The following CHAT variants were observed in gnomAD, a reference collection of about 807,000 sequenced individuals.
CHAT encodes acetyl CoA:choline O-acetyltransferase.
CHAT carries 61 observed loss-of-function variants against 76.9 expected under a neutral mutation model. The ratio of observed to expected loss-of-function variants is 0.79; its 90% confidence interval spans 0.65 to 0.98. CHAT has a LOEUF of 0.98. Ranked by LOEUF, CHAT falls within the 50% of genes least tolerant of loss-of-function variation. The probability of loss-of-function intolerance (pLI) is 0.00; values close to 1 mark genes in which losing one functional copy is unlikely to be tolerated. For missense variants in CHAT, 946 were observed against 986.9 expected (o/e 0.96, Z 0.56); for synonymous variants, 407 against 397.4 (o/e 1.02, Z -0.29).
chr10:49,621,161 C>T (rs1838693746), intron 4 of CHAT, among the ~76,000 whole-genome samples: 1 of 152,206 alleles, frequency 6.6e-6, no homozygotes. Context: ...AAAGGGTTTC[C>T]CTTCTGGAGT....
intron 5 of CHAT, among the ~76,000 whole-genome samples, chr10:49,623,336 A>G (rs1838797257): frequency 6.6e-6 from 1 of 152,188 alleles, no homozygotes; most frequent in Non-Finnish European, 1.5e-5. Context: ...TCACACAGAC[A>G]CGAATACCCA....
intron 7 of CHAT, among the ~76,000 whole-genome samples, chr10:49,634,387 G>A (rs570059104): frequency 9.8e-5 from 15 of 152,352 alleles, no homozygotes; most frequent in East Asian, 7.7e-4. Flanking sequence ...TGGGGATCAC[G>A]CTGGGGATGC....
rs184154827 is a variant in CHAT, at chr10:49,660,396, C to T, written c.1840-2249C>T. Among the ~76,000 whole-genome samples the T allele has an allele frequency of 1.3e-4, 20 of 151,104 alleles. No individual in the cohort carries two copies. The East Asian group carries it at 2.9e-3, about 22-fold the overall frequency. On this transcript the variant is annotated intron_variant, in intron 13 of 14. Coordinates refer to ENST00000337653, the MANE Select transcript of CHAT (RefSeq NM_020549.5). ...GGCAGAGGTTGCAGTGAGCTGAGAT[C>T]GCGCCACTGCACTCCAGCCTAGACG...
In CHAT at chr10:49,642,170, T is replaced by C. The variant is rs963423857; in HGVS notation, c.1112-4335T>C. ...CCACTTTAAAGGAGCCTCGATGTGC[T>C]CGATGAGGATGCCACAAGACAAATG... On this transcript the variant is annotated intron_variant, in intron 7 of 14. Coordinates refer to ENST00000337653, the MANE Select transcript of CHAT (RefSeq NM_020549.5). Among the ~76,000 whole-genome samples the C allele has an allele frequency of 3.3e-5, 5 of 152,222 alleles. No homozygotes were observed. The East Asian group carries it at 5.8e-4, about 18-fold the overall frequency.
chr10:49,658,306 G>A (rs1175272534), intron 13 of CHAT, among the ~76,000 whole-genome samples: 1 of 152,052 alleles, frequency 6.6e-6, no homozygotes, highest in Non-Finnish European at 1.5e-5. Context: ...ACCTGAGGTT[G>A]GGAGTTCAAG....
intron 8 of CHAT, among the ~76,000 whole-genome samples, chr10:49,648,297 C>T (rs1008673237): frequency 3.9e-5 from 6 of 152,170 alleles, no homozygotes; most frequent in African/African-American, 1.4e-4. Context: ...ACAGCTTTTA[C>T]GGGAAAGAGG....
At chr10:49,615,156 TG>T (rs1247326719) in intron 1 of CHAT, among the ~76,000 whole-genome samples, 9 of 24,170 alleles carry the variant, frequency 3.7e-4, no homozygotes, top group African/African-American at 1.4e-3. Flanking sequence ...GTCTCCCGAA[TG>T]GGGGGGAGGG....
At chr10:49,612,373 C>G, upstream of CHAT, 1 of 1,553,394 alleles carries the variant, frequency 6.4e-7, no homozygotes, top group South Asian at 1.2e-5. Context: ...ACCCAACCGC[C>G]TTGGGTCAAG....
chr10:49,610,585 G>A (rs781020125), upstream of CHAT: 1,339 of 639,796 alleles, frequency 2.1e-3, 1 homozygote, highest in Non-Finnish European at 2.1e-3. Context: ...CCTTTCCCGG[G>A]ACGCTGGGCC....
chr10:49,660,456 A>T (rs891732322), intron 13 of CHAT, among the ~76,000 whole-genome samples: 2 of 145,238 alleles, frequency 1.4e-5, no homozygotes, highest in East Asian at 4.1e-4. Flanking sequence ...AAAAAAAAAA[A>T]GAGCTGAAAT....
chr10:49,630,406 G>A (rs948734345), intron 7 of CHAT, among the ~76,000 whole-genome samples: 3 of 146,994 alleles, frequency 2.0e-5, no homozygotes, highest in African/African-American at 2.5e-5. Context: ...GGACACAGGG[G>A]ACCCGGCTTG....
intron 1 of CHAT, among the ~76,000 whole-genome samples, 169 bp from the exon 2 acceptor site, chr10:49,616,333 C>T (rs1000415296): frequency 6.6e-6 from 1 of 152,144 alleles, no homozygotes; most frequent in Admixed American, 6.5e-5. Flanking sequence ...TCAGCACGTA[C>T]AGGTGGAAGT....
At chr10:49,639,540 T>TACAC (rs3050615) in intron 7 of CHAT, among the ~76,000 whole-genome samples, 1 of 147,728 alleles carries the variant, frequency 6.8e-6, no homozygotes, top group African/African-American at 2.5e-5. Flanking sequence ...AGTATATATA[T>TACAC]ACACACACAC....
At chr10:49,615,329 C>G (rs904221021) in intron 1 of CHAT, among the ~76,000 whole-genome samples, 1 of 152,260 alleles carries the variant, frequency 6.6e-6, no homozygotes, top group Non-Finnish European at 1.5e-5. Context: ...GCAGCCCCTA[C>G]GAACCCACAG....
At position 49,636,796 on chromosome 10, in the gene CHAT, CA is replaced by C. The variant is rs1432202773; in HGVS notation, c.1111+9018del. On this transcript the variant is annotated intron_variant, in intron 7 of 14. Transcript: ENST00000337653. ...CATCACCAAGGTCTGATTTTTCACA[CA>C]AAAAAATTTGCAACCTCCAGCATAA... Among the ~76,000 whole-genome samples the C allele has an allele frequency of 3.9e-5, 6 of 152,032 alleles. 1 individual carries two copies. The highest frequency in any genetic ancestry group is 8.8e-5 in the Non-Finnish European group (6 of 68,000).
chr10:49,620,580 G>C lies in CHAT; in HGVS notation c.665G>C (p.Arg222Pro), dbSNP rs8178989. 2,001 of 1,613,606 alleles carry C rather than the reference G, an allele frequency of 1.2e-3. 1 individual carries two copies. Among genetic ancestry groups the C allele is most frequent in the Admixed American group, 2.4e-3 (142 of 60,012 alleles). ...TCCAGCCCTGCCGTGATCTTTGCTC[G>C]GCAGCACTTCCCTGGCACCGATGAC... ...VNSSPAVIFARQHFPGTDDQL... is the reference protein window; with the variant it reads ...VNSSPAVIFAPQHFPGTDDQL... Residue 222 changes from arginine (R) to proline (P), a missense_variant, in exon 4 of 15, where the codon CGG (arginine) becomes CCG (proline). Arg to Pro is a moderately radical substitution (Grantham distance 103). Coordinates refer to ENST00000337653, the MANE Select transcript of CHAT (RefSeq NM_020549.5).
intron 11 of CHAT, among the ~76,000 whole-genome samples, chr10:49,652,363 C>T (rs1839907744): frequency 6.6e-6 from 1 of 152,206 alleles, no homozygotes; most frequent in South Asian, 2.1e-4. Flanking sequence ...TTGCTGCAAC[C>T]TGTTCCTCCC....
intron 7 of CHAT, among the ~76,000 whole-genome samples, chr10:49,641,802 T>C (rs972339282): frequency 2.0e-5 from 3 of 152,140 alleles, no homozygotes; most frequent in African/African-American, 7.2e-5. Context: ...TCTCAGGGAA[T>C]AGATCAGAGC....
At chr10:49,631,934 G>A (rs1444492072) in intron 7 of CHAT, among the ~76,000 whole-genome samples, 16 of 150,608 alleles carry the variant, frequency 1.1e-4, no homozygotes, top group Non-Finnish European at 7.4e-5. Flanking sequence ...AGATATTGGC[G>A]CAGCACAGAA....
Sources: gnomAD v4.1 joint callset for allele counts (sites outside exome capture counted in the v4.1 genomes callset) on GRCh38, gnomAD v4.1.1 for gene constraint, MANE v1.5 for transcripts, NCBI Gene and HGNC (gene_info 2026-07-23, HGNC 2026-07-21) for gene names.